KCNH7: variants seen among roughly 807,000 people sequenced by gnomAD.
The protein encoded by KCNH7 is potassium voltage-gated channel subfamily H member 7.
KCNH7 carries 49 observed loss-of-function variants against 120.8 expected under a neutral mutation model. That is an observed-to-expected ratio of 0.41 (90% CI 0.32 to 0.51). KCNH7 has a LOEUF of 0.51. Ranked by LOEUF, KCNH7 falls within the 20% of genes least tolerant of loss-of-function variation. KCNH7 has a pLI of 0.38. For missense variants in KCNH7, 1,097 were observed against 1,446.6 expected (o/e 0.76, Z 3.92); for synonymous variants, 547 against 516.1 (o/e 1.06, Z -0.81).
intron 2 of KCNH7, among the ~76,000 whole-genome samples, chr2:162,540,398 C>T (rs1273893236): frequency 6.6e-6 from 1 of 152,018 alleles, no homozygotes; most frequent in Non-Finnish European, 1.5e-5. Flanking sequence ...TTTTTGACTG[C>T]AGCCATAGAG....
chr2:162,691,710 A>C (rs984266244), intron 2 of KCNH7, among the ~76,000 whole-genome samples: 1 of 152,116 alleles, frequency 6.6e-6, no homozygotes, highest in East Asian at 1.9e-4. Context: ...AAGGCTAAAA[A>C]CTGTTCCTTG....
intron 2 of KCNH7, among the ~76,000 whole-genome samples, chr2:162,584,499 G>A (rs181684825): frequency 2.4e-4 from 37 of 152,194 alleles, no homozygotes; most frequent in African/African-American, 7.5e-4. Context: ...AACCTAAAGT[G>A]GTTTAGCTCT....
intron 3 of KCNH7, among the ~76,000 whole-genome samples, chr2:162,533,732 AGACTT>A (rs1218964731): frequency 2.0e-5 from 3 of 151,780 alleles, no homozygotes; most frequent in African/African-American, 7.2e-5. Context: ...TAACAGTAGA[AGACTT>A]TAATACACTT....
intron 3 of KCNH7, among the ~76,000 whole-genome samples, chr2:162,523,544 TTCTC>T (rs550349360): frequency 6.7e-6 from 1 of 149,366 alleles, no homozygotes; most frequent in Non-Finnish European, 1.5e-5. Context: ...CTCTCCCTCT[TTCTC>T]TCTCTCTCTC....
intron 2 of KCNH7, among the ~76,000 whole-genome samples, chr2:162,631,237 G>T (rs1044120280): frequency 6.6e-6 from 1 of 152,062 alleles, no homozygotes; most frequent in African/African-American, 2.4e-5. Flanking sequence ...TGAGATGCTT[G>T]CCCTGTACCC....
intron 2 of KCNH7, among the ~76,000 whole-genome samples, chr2:162,581,952 C>T (rs574777981): frequency 6.6e-6 from 1 of 152,218 alleles, no homozygotes; most frequent in African/African-American, 2.4e-5. Flanking sequence ...CACTCCCCCT[C>T]AAACTTCTCA....
At chr2:162,706,892 C>T (rs180720518) in intron 2 of KCNH7, among the ~76,000 whole-genome samples, 188 of 152,260 alleles carry the variant, frequency 1.2e-3, no homozygotes, top group Non-Finnish European at 2.3e-3. Flanking sequence ...TTTATTACAA[C>T]GTGTGTAACT....
rs1694509855 is a variant in KCNH7, at chr2:162,600,333, T to TCC, written c.308-63254_308-63253insGG. ...GCAGCTCCAGGAAGGTGATCACCAA[T>TCC]AGGTCCAGCATCTTCCTTTAGGGTA... On this transcript the variant is annotated intron_variant, in intron 2 of 15. Coordinates refer to ENST00000332142, the MANE Select transcript of KCNH7 (RefSeq NM_033272.4). 6.6e-5 allele frequency among the ~76,000 whole-genome samples: 10 copies of TCC among 152,204 alleles called. No homozygotes were observed. In the East Asian group the frequency reaches 1.2e-3, roughly 18 times the overall value.
intron 2 of KCNH7, among the ~76,000 whole-genome samples, chr2:162,629,011 G>A (rs755999637): frequency 6.6e-6 from 1 of 152,034 alleles, no homozygotes; most frequent in African/African-American, 2.4e-5. Flanking sequence ...TTGGGACAAG[G>A]CCAGAATCAA....
At chr2:162,376,494 A>G (rs1158210783) in intron 14 of KCNH7, among the ~76,000 whole-genome samples, 2 of 151,558 alleles carry the variant, frequency 1.3e-5, no homozygotes, top group Non-Finnish European at 2.9e-5. Context: ...CCTCCTGAGT[A>G]GCTGGCATTA....
At chr2:162,697,322 G>A (rs1306387102) in intron 2 of KCNH7, among the ~76,000 whole-genome samples, 3 of 152,108 alleles carry the variant, frequency 2.0e-5, no homozygotes, top group Non-Finnish European at 4.4e-5. Flanking sequence ...TCAGCAAAAT[G>A]CACACTGGGA....
chr2:162,560,403 AC>A (rs1693019727), intron 2 of KCNH7, among the ~76,000 whole-genome samples: 1 of 152,192 alleles, frequency 6.6e-6, no homozygotes, highest in Non-Finnish European at 1.5e-5. Flanking sequence ...AGACTCAAGG[AC>A]ATTTCAGAGG....
At chr2:162,539,981 A>C (rs927509817) in intron 2 of KCNH7, among the ~76,000 whole-genome samples, 2 of 152,102 alleles carry the variant, frequency 1.3e-5, no homozygotes, top group African/African-American at 4.8e-5. Flanking sequence ...TGGTCAAGTG[A>C]CATTGCCCTA....
Position 162,371,752 on chromosome 2 carries a change from G to A in KCNH7, c.*77C>T. 1 of 1,345,434 alleles carries A rather than the reference G, an allele frequency of 7.4e-7. No homozygotes were observed. The highest frequency in any genetic ancestry group is 1.0e-6 in the Non-Finnish European group (1 of 973,462). 83.3% of individuals were successfully genotyped at this position (1,345,434 alleles called of 1,614,324 possible). A position where few individuals can be genotyped will look rare whatever the true frequency, so the allele number is the denominator to read the frequency against. ...ACCTTGTGAGCCCCTGAGTCAAGTA[G>A]AGAGGATTTAAATAGAAAAAGGAAA... On this transcript the variant is annotated 3_prime_UTR_variant, in exon 16 of 16. Transcript: ENST00000332142.
intron 2 of KCNH7, among the ~76,000 whole-genome samples, chr2:162,600,913 T>C (rs1694529535): frequency 6.6e-6 from 1 of 152,090 alleles, no homozygotes; most frequent in African/African-American, 2.4e-5. Context: ...CTATGCTTCA[T>C]GGGAAAGGAC....
chr2:162,560,328 C>A (rs1693016085), intron 2 of KCNH7, among the ~76,000 whole-genome samples: 1 of 152,162 alleles, frequency 6.6e-6, no homozygotes, highest in African/African-American at 2.4e-5. Context: ...CTCTTCTTAC[C>A]TCCTGGCAAG....
At chr2:162,752,903 A>AAAAAAGAAAAG (rs1688612139) in intron 2 of KCNH7, among the ~76,000 whole-genome samples, 6 of 32,026 alleles carry the variant, frequency 1.9e-4, no homozygotes, top group Non-Finnish European at 8.4e-4. Context: ...TACATCTCAG[A>AAAAAAGAAAAG]AAAAGAAAAG....
intron 2 of KCNH7, among the ~76,000 whole-genome samples, chr2:162,704,213 T>A (rs546279236): frequency 6.6e-6 from 1 of 152,122 alleles, no homozygotes; most frequent in Non-Finnish European, 1.5e-5. Context: ...AATCACATAA[T>A]ATTTCCTATG....
chr2:162,638,167 C>T (rs1017643614), intron 2 of KCNH7, among the ~76,000 whole-genome samples: 1 of 151,910 alleles, frequency 6.6e-6, no homozygotes, highest in Admixed American at 6.6e-5. Flanking sequence ...CCTTCGAATA[C>T]CAAGGATTGT....
Sources: gnomAD v4.1 joint callset for allele counts (sites outside exome capture counted in the v4.1 genomes callset) on GRCh38, gnomAD v4.1.1 for gene constraint, MANE v1.5 for transcripts, NCBI Gene and HGNC (gene_info 2026-07-23, HGNC 2026-07-21) for gene names.